Variants in HMCN1 observed in about 807,000 individuals in gnomAD.
HMCN1 encodes hemicentin-1.
Under a neutral mutation model 625.9 loss-of-function variants are expected in HMCN1, and 321 were observed. That is an observed-to-expected ratio of 0.51 (90% CI 0.47 to 0.56). The LOEUF is 0.56. Ranked by LOEUF, HMCN1 falls within the 20% of genes least tolerant of loss-of-function variation. The pLI is 0.00. For missense variants in HMCN1, 6,588 were observed against 6,887.3 expected, an observed-to-expected ratio of 0.96 and a Z score of 1.54; for synonymous variants, 2,425 against 2,417.6, an observed-to-expected ratio of 1.00 and a Z score of -0.09.
intron 4 of HMCN1, among the ~76,000 whole-genome samples, chr1:185,888,839 T>C (rs1202046803): frequency 6.8e-6 from 1 of 146,712 alleles, no homozygotes; most frequent in Non-Finnish European, 1.5e-5. Flanking sequence ...TTTCCAATTC[T>C]GTGAAGAAAG....
At chr1:185,894,283 TAA>T (rs1489488576) in intron 4 of HMCN1, among the ~76,000 whole-genome samples, 2 of 150,870 alleles carry the variant, frequency 1.3e-5, no homozygotes, top group Admixed American at 1.3e-4. Context: ...TGTTCAACAT[TAA>T]GTTTGTGAGA....
rs1157838124 is a variant in HMCN1, at chr1:186,045,809, C to T, written c.6426C>T (p.His2142=). Reference sequence around the variant, plus strand: ...CTCTTACTTGGTTAAAAGACGGCCACCCCTTGCTGAAGAAACCAGGCCTCA... The same window carrying T: ...CTCTTACTTGGTTAAAAGACGGCCATCCCTTGCTGAAGAAACCAGGCCTCA... ...PPTLTWLKDG[H]PLLKKPGLSI... Residue 2142 remains histidine (H), a synonymous_variant, in exon 41 of 107, where the codon CAC becomes CAT. Coordinates refer to ENST00000271588, the MANE Select transcript of HMCN1 (RefSeq NM_031935.3). 1.9e-6 allele frequency: 3 copies of T among 1,613,020 alleles called. No homozygotes were observed. The highest frequency in any genetic ancestry group is 1.1e-5 in the South Asian group (1 of 91,054).
At chr1:186,127,518 A>C (rs1571390533) in intron 82 of HMCN1, among the ~76,000 whole-genome samples, 1 of 152,072 alleles carries the variant, frequency 6.6e-6, no homozygotes, top group African/African-American at 2.4e-5. Context: ...AAAATAGGCG[A>C]GCATAGTGTC....
At chr1:185,905,592 C>T (rs746301270) in intron 4 of HMCN1, among the ~76,000 whole-genome samples, 8 of 151,690 alleles carry the variant, frequency 5.3e-5, no homozygotes, top group African/African-American at 1.9e-4. Context: ...GTTCTGTTCA[C>T]GAATATGTAT....
At position 186,088,062 on chromosome 1, in the gene HMCN1, GAA is replaced by G. The variant is rs1370092804; in HGVS notation, c.9445+54_9445+55del. On this transcript the variant is annotated intron_variant, in intron 61 of 106. Coordinates refer to ENST00000271588, the MANE Select transcript of HMCN1 (RefSeq NM_031935.3). ...CTCTTTTTCCCCTAGATATGCAAAT[GAA>G]AAAAGTGTTCCAAATTAGCTTAATG... is the stretch of plus-strand genomic sequence containing the variant. The G allele has an allele frequency of 1.4e-5, 23 of 1,611,274 alleles. 1 individual carries two copies. Among genetic ancestry groups the G allele is most frequent in the South Asian group, 3.3e-5 (3 of 90,964 alleles).
intron 76 of HMCN1, 50 bp downstream of exon 76, chr1:186,117,165 G>T: frequency 1.2e-6 from 2 of 1,605,710 alleles, no homozygotes; most frequent in Non-Finnish European, 8.5e-7. Context: ...CTATCACTTC[G>T]TTATTCTACT....
chr1:186,030,933 T>A (rs543263296), intron 36 of HMCN1, among the ~76,000 whole-genome samples: 2 of 152,088 alleles, frequency 1.3e-5, no homozygotes, highest in South Asian at 4.1e-4. Flanking sequence ...TAATTAGCTC[T>A]CTTTTTCCCC....
intron 71 of HMCN1, among the ~76,000 whole-genome samples, chr1:186,112,559 T>A: frequency 6.6e-6 from 1 of 152,158 alleles, no homozygotes; most frequent in East Asian, 1.9e-4. Context: ...CCTGATTGAG[T>A]CACCTGCCCA....
chr1:185,988,594 C>A (rs549420130), intron 20 of HMCN1, among the ~76,000 whole-genome samples: 76 of 152,342 alleles, frequency 5.0e-4, no homozygotes, highest in African/African-American at 1.8e-3. Flanking sequence ...GTAACTAGCA[C>A]TGAGTAGAAG....
At chr1:186,022,097 A>T (rs1654758143) in intron 35 of HMCN1, among the ~76,000 whole-genome samples, 1 of 152,108 alleles carries the variant, frequency 6.6e-6, no homozygotes, top group African/African-American at 2.4e-5. Context: ...ATTTTGTGCG[A>T]GTGAATTTGA....
At chr1:186,162,923 A>G (rs1208995129) in intron 97 of HMCN1, among the ~76,000 whole-genome samples, 13 of 152,282 alleles carry the variant, frequency 8.5e-5, no homozygotes, top group Admixed American at 3.9e-4. Context: ...TGGGAGAACC[A>G]CTGCTCTCTT....
intron 1 of HMCN1, among the ~76,000 whole-genome samples, chr1:185,744,708 C>T (rs1477514521): frequency 2.6e-5 from 4 of 152,180 alleles, no homozygotes; most frequent in Non-Finnish European, 5.9e-5. Flanking sequence ...TGGTGGTGGT[C>T]AGCAAAGGTT....
chr1:186,107,117 G>A (rs545206850), intron 70 of HMCN1, 152 bp downstream of exon 70: 158 of 640,184 alleles, frequency 2.5e-4, no homozygotes, highest in South Asian at 2.2e-3. Flanking sequence ...ACGGAGTCTC[G>A]CTTTGTCGCC....
chr1:186,036,920 C>T (rs1330471314), intron 36 of HMCN1, among the ~76,000 whole-genome samples: 1 of 152,042 alleles, frequency 6.6e-6, no homozygotes, highest in Non-Finnish European at 1.5e-5. Context: ...GTCAAAAAGT[C>T]ACTATTTTAA....
chr1:186,186,994 T>TCA (rs371455899), intron 105 of HMCN1, among the ~76,000 whole-genome samples: 8,704 of 134,246 alleles, frequency 0.065, 273 homozygotes, highest in African/African-American at 0.071. Context: ...TGTCTCTGTC[T>TCA]CACACACACA....
intron 1 of HMCN1, among the ~76,000 whole-genome samples, chr1:185,807,999 A>G (rs963361856): frequency 6.6e-6 from 1 of 152,152 alleles, no homozygotes; most frequent in Non-Finnish European, 1.5e-5. Flanking sequence ...AATAATTTTT[A>G]AAATAATTAA....
rs779376620 is a variant in HMCN1 at position 186,018,245 on chromosome 1, G to T, written c.5363G>T (p.Arg1788Leu). The T allele has an allele frequency of 1.9e-6, 3 of 1,612,576 alleles. No individual in the cohort carries two copies. Among genetic ancestry groups the T allele is most frequent in the Non-Finnish European group, 2.5e-6 (3 of 1,178,850 alleles). The change falls in exon 34 of 107, where the codon CGC becomes CTC. Residue 1788 changes from arginine (R) to leucine (L), a missense_variant. Coordinates refer to ENST00000271588, the MANE Select transcript of HMCN1 (RefSeq NM_031935.3). ...GGATTCAAGATTTTATTAAATGGAC[G>T]CAAACTGGTTATTGCTCAGGCTCAA... Reference protein sequence around the residue: ...RDGFKILLNGRKLVIAQAQVS... With the variant: ...RDGFKILLNGLKLVIAQAQVS...
chr1:186,070,850 A>T, intron 52 of HMCN1, 93 bp downstream of exon 52: 1 of 1,278,210 alleles, frequency 7.8e-7, no homozygotes, highest in South Asian at 1.2e-5. Context: ...AGTGACTCAG[A>T]GAATCAATGT....
chr1:185,839,463 C>T (rs1661356024), intron 1 of HMCN1, among the ~76,000 whole-genome samples: 1 of 152,088 alleles, frequency 6.6e-6, no homozygotes, highest in Admixed American at 6.6e-5. Flanking sequence ...AATGTATCTT[C>T]TCTTGTATCT....
Sources: allele counts gnomAD v4.1 joint callset (sites outside exome capture counted in the v4.1 genomes callset), GRCh38; gene constraint gnomAD v4.1.1; transcripts MANE v1.5; gene names NCBI Gene and HGNC (gene_info 2026-07-23, HGNC 2026-07-21).